The following SPTBN1 variants were observed in gnomAD, a reference collection of about 807,000 sequenced individuals.
SPTBN1 encodes spectrin beta chain, non-erythrocytic 1.
A neutral mutation model predicts 266.4 loss-of-function variants in SPTBN1; 32 were observed. The ratio of observed to expected loss-of-function variants is 0.12; its 90% CI spans 0.09 to 0.16. The LOEUF is 0.16. Among genes scored for constraint, SPTBN1 ranks in the 10% least tolerant of loss-of-function variants. SPTBN1 has a pLI of 1.00. For synonymous variants in SPTBN1, 1,336 were observed against 1,162.2 expected, an observed-to-expected ratio of 1.15 and a Z score of -3.04; for missense variants, 2,296 against 3,067.1, an observed-to-expected ratio of 0.75 and a Z score of 5.94.
chr2:54,476,868 G>A (rs1667859722), intron 1 of SPTBN1, among the ~76,000 whole-genome samples: 1 of 152,174 alleles, frequency 6.6e-6, no homozygotes, highest in African/African-American at 2.4e-5. Context: ...ACATGCCTGT[G>A]TTGAATCCAT....
At chr2:54,632,229 G>A (rs1252696734) in intron 16 of SPTBN1, among the ~76,000 whole-genome samples, 3 of 152,044 alleles carry the variant, frequency 2.0e-5, no homozygotes, top group African/African-American at 4.8e-5. Context: ...ACCAACTTCA[G>A]GGCTGTTACT....
At chr2:54,471,961 C>G (rs530536975) in intron 1 of SPTBN1, among the ~76,000 whole-genome samples, 1 of 151,164 alleles carries the variant, frequency 6.6e-6, no homozygotes, top group South Asian at 2.1e-4. Context: ...GCTCTGCTCA[C>G]CCAACTCACT....
intron 26 of SPTBN1, among the ~76,000 whole-genome samples, chr2:54,651,725 A>C (rs1680304158): frequency 6.6e-6 from 1 of 152,224 alleles, no homozygotes; most frequent in African/African-American, 2.4e-5. Flanking sequence ...TGTTTTGAAA[A>C]ATATGGTTCA....
chr2:54,622,281 T>C lies in SPTBN1; in HGVS notation c.877-19T>C. The C allele has an allele frequency of 6.2e-7, 1 of 1,612,178 alleles. No individual in the cohort carries two copies. On this transcript the variant is annotated intron_variant, in intron 8 of 35. Transcript: ENST00000356805. ...TGGAGTGACATGATCTTTTCAATTTTTCTATCCCTTGTTGCCAGGTGCTTG... is the reference window on the plus strand; with the variant it reads ...TGGAGTGACATGATCTTTTCAATTTCTCTATCCCTTGTTGCCAGGTGCTTG...
chr2:54,635,714 C>T (rs1011497462), intron 17 of SPTBN1, among the ~76,000 whole-genome samples: 8 of 152,226 alleles, frequency 5.3e-5, no homozygotes, highest in African/African-American at 1.9e-4. Flanking sequence ...CAATGAGATG[C>T]CATGCCAAAG....
chr2:54,468,486 G>C (rs1011217997), intron 1 of SPTBN1, among the ~76,000 whole-genome samples: 6 of 151,870 alleles, frequency 4.0e-5, no homozygotes, highest in African/African-American at 1.5e-4. Flanking sequence ...GTAGAGTTTT[G>C]ACAGTCTCTA....
At chr2:54,496,153 TAGGCCA>T (rs1668956918) in intron 1 of SPTBN1, among the ~76,000 whole-genome samples, 1 of 152,018 alleles carries the variant, frequency 6.6e-6, no homozygotes, top group Non-Finnish European at 1.5e-5. Flanking sequence ...AAAGTATAAA[TAGGCCA>T]GGCACGATGA....
chr2:54,656,128 C>T (rs947473189), intron 29 of SPTBN1, 130 bp downstream of exon 29: 13 of 688,932 alleles, frequency 1.9e-5, no homozygotes, highest in East Asian at 9.9e-5. Flanking sequence ...TTTAGTGCCC[C>T]GTTTCACCAT....
At chr2:54,582,188 A>G (rs1027633657) in intron 2 of SPTBN1, among the ~76,000 whole-genome samples, 2 of 152,196 alleles carry the variant, frequency 1.3e-5, no homozygotes, top group African/African-American at 2.4e-5. Flanking sequence ...TTACAAAACT[A>G]GTTTTCTTGA....
chr2:54,505,601 G>A (rs774243258), intron 1 of SPTBN1, among the ~76,000 whole-genome samples: 4 of 152,094 alleles, frequency 2.6e-5, no homozygotes, highest in Non-Finnish European at 4.4e-5. Flanking sequence ...GTGTCTCCTG[G>A]ACTTTTCCCC....
Position 54,658,116 on chromosome 2 carries a change from C to T in SPTBN1, c.6243+70C>T, listed in dbSNP as rs1680797910. 7.0e-6 allele frequency: 11 copies of T among 1,569,144 alleles called. No homozygotes were observed. In the South Asian group the frequency reaches 1.3e-4, roughly 18 times the overall value. The stretch of plus-strand genomic sequence containing the variant: ...CTTTTCTTCCTGCTTGCCTCTTAGA[C>T]CAGGGAATTCACACGATTGCTTGTT... On this transcript the variant is annotated intron_variant, in intron 30 of 35. Coordinates refer to ENST00000356805, the MANE Select transcript of SPTBN1 (RefSeq NM_003128.3).
chr2:54,602,440 T>TG (rs999441851), intron 3 of SPTBN1, among the ~76,000 whole-genome samples: 3 of 152,216 alleles, frequency 2.0e-5, no homozygotes, highest in Non-Finnish European at 4.4e-5. Flanking sequence ...CCACAGCTCA[T>TG]AATCCACTTT....
chr2:54,608,370 A>G (rs1184075106), intron 3 of SPTBN1, among the ~76,000 whole-genome samples: 1 of 152,232 alleles, frequency 6.6e-6, no homozygotes, highest in Non-Finnish European at 1.5e-5. Flanking sequence ...TGTGAGAACC[A>G]GAATGATTGG....
In SPTBN1 at chr2:54,645,365, A is replaced by T; in HGVS notation, c.4406A>T (p.Glu1469Val). The change falls in exon 21 of 36, where the codon GAG (glutamate) becomes GTG (valine). Residue 1469 changes from glutamate (E) to valine (V), a missense_variant. Around this residue, in one of 12 missense-constraint regions of SPTBN1, gnomAD observed 386 missense variants for 486.1 expected, o/e 0.79. Transcript: ENST00000356805. This position sits in a 1 kb window ranked among gnomAD's most constrained non-coding sequence, Gnocchi z 4.3. The stretch of plus-strand genomic sequence containing the variant: ...CTCACCGTGCAGACCAAGTTCATGG[A>T]GTTGCTGGAGCCCTTGAACGAGAGG... ...KRLTVQTKFM[E>V]LLEPLNERKH... The T allele has an allele frequency of 6.2e-7, 1 of 1,614,174 alleles. No individual in the cohort carries two copies. Among genetic ancestry groups the T allele is most frequent in the African/African-American group, 1.3e-5 (1 of 75,044 alleles).
In SPTBN1 at chr2:54,645,206, T is replaced by C. The variant is rs77711744; in HGVS notation, c.4270-23T>C. The C allele has an allele frequency of 1.2e-6, 2 of 1,613,226 alleles. No individual in the cohort carries two copies. Among genetic ancestry groups the C allele is most frequent in the Non-Finnish European group, 8.5e-7 (1 of 1,179,266 alleles). On this transcript the variant is annotated intron_variant, in intron 20 of 35. Transcript: ENST00000356805. The surrounding 1 kb of genome is among the most constrained non-coding windows in gnomAD (Gnocchi z 4.3). ...GCAAAAGATAGTCTGTGCTGAGCGC[T>C]GAGGCTGCTTCTCTGCCCTCAGATG...
chr2:54,662,909 T>G (rs577919339), intron 32 of SPTBN1: 1 of 152,338 alleles, frequency 6.6e-6, no homozygotes, highest in East Asian at 1.9e-4. Context: ...ACAAGTCTTT[T>G]TTCCTAATAA....
At chr2:54,593,972 A>G (rs1388621720) in intron 2 of SPTBN1, among the ~76,000 whole-genome samples, 1 of 151,440 alleles carries the variant, frequency 6.6e-6, no homozygotes, top group East Asian at 1.9e-4. Context: ...TAGCTGGGTT[A>G]CAGGTGCGTG....
At chr2:54,465,914 A>G (rs1693610923) in intron 1 of SPTBN1, among the ~76,000 whole-genome samples, 1 of 152,104 alleles carries the variant, frequency 6.6e-6, no homozygotes, top group Non-Finnish European at 1.5e-5. Context: ...TATAAAAATT[A>G]ATGAATTTCC....
chr2:54,600,796 G>A (rs6734658), intron 3 of SPTBN1, among the ~76,000 whole-genome samples: 113,789 of 145,584 alleles, frequency 0.78, 45,164 homozygotes, highest in African/African-American at 0.91. Context: ...ATGGATAGGA[G>A]TTAGTCTGAA....
Sources: allele counts gnomAD v4.1 joint callset (sites outside exome capture counted in the v4.1 genomes callset), GRCh38; gene constraint gnomAD v4.1.1; regional missense constraint gnomAD v4.1.1; non-coding constraint Gnocchi (gnomAD v3.1); transcripts MANE v1.5; gene names NCBI Gene and HGNC (gene_info 2026-07-23, HGNC 2026-07-21).